Variants in TENM4 observed in about 807,000 individuals in gnomAD.
TENM4 encodes teneurin-4.
Under a neutral mutation model 243.3 loss-of-function variants are expected in TENM4, and 82 were observed. The ratio of observed to expected loss-of-function variants is 0.34; its 90% CI spans 0.28 to 0.40. The LOEUF (loss-of-function observed/expected upper bound fraction) is 0.40, where lower values mean the gene tolerates loss of function less well. TENM4 is among the 10% of genes least tolerant of loss of function. The pLI is 1.00. For synonymous variants in TENM4, 1,412 were observed against 1,456.3 expected (o/e 0.97, Z 0.69); for missense variants, 3,138 against 3,673.3 (o/e 0.85, Z 3.77).
intron 4 of TENM4, among the ~76,000 whole-genome samples, chr11:79,086,798 C>T (rs1007786790): frequency 4.9e-5 from 7 of 143,036 alleles, no homozygotes; most frequent in African/African-American, 1.9e-4. Flanking sequence ...CATTCCATTG[C>T]ACTCCAGCCT....
intron 6 of TENM4, among the ~76,000 whole-genome samples, chr11:79,049,894 T>C (rs964072385): frequency 6.6e-6 from 1 of 152,258 alleles, no homozygotes; most frequent in Non-Finnish European, 1.5e-5. Flanking sequence ...TGGAAGCTTT[T>C]GCCCGGCTTC....
chr11:79,177,679 G>C (rs1285223676), intron 3 of TENM4, among the ~76,000 whole-genome samples: 1 of 152,164 alleles, frequency 6.6e-6, no homozygotes, highest in Non-Finnish European at 1.5e-5. Context: ...CATTAGGTAG[G>C]AACCTGAAGG....
chr11:79,001,863 A>G (rs1858337751), intron 6 of TENM4, among the ~76,000 whole-genome samples: 1 of 152,144 alleles, frequency 6.6e-6, no homozygotes, highest in Admixed American at 6.5e-5. Flanking sequence ...ATGCCTGACC[A>G]TTGGAGAGCT....
chr11:79,048,846 G>A (rs187512016), intron 6 of TENM4, among the ~76,000 whole-genome samples: 1 of 152,230 alleles, frequency 6.6e-6, no homozygotes, highest in East Asian at 1.9e-4. Context: ...GTTACAGGAT[G>A]GGCAGGGGCC....
At chr11:79,000,960 G>A (rs1182994072) in intron 6 of TENM4, among the ~76,000 whole-genome samples, 2 of 152,250 alleles carry the variant, frequency 1.3e-5, no homozygotes, top group Non-Finnish European at 2.9e-5. Flanking sequence ...GAACCCAGGA[G>A]GTGGAGGTTG....
chr11:79,159,018 G>C (rs1203213671), intron 3 of TENM4, among the ~76,000 whole-genome samples: 1 of 152,166 alleles, frequency 6.6e-6, no homozygotes, highest in Non-Finnish European at 1.5e-5. Flanking sequence ...TTATAGAGAG[G>C]TTGAAGTGAG....
chr11:79,035,966 T>C (rs1025428824), intron 6 of TENM4, among the ~76,000 whole-genome samples: 8 of 152,238 alleles, frequency 5.3e-5, no homozygotes, highest in African/African-American at 1.9e-4. Flanking sequence ...TAAAAGATGA[T>C]CTTAGATCTA....
In TENM4 at chr11:78,670,199, T is replaced by A; in HGVS notation, c.6146A>T (p.Glu2049Val). 6.2e-7 allele frequency: 1 copy of A among 1,613,892 alleles called. No individual in the cohort carries two copies. The highest frequency in any genetic ancestry group is 8.5e-7 in the Non-Finnish European group (1 of 1,179,864). ...GMLKTINLQN[E>V]GFTCTIRYRQ... Reference sequence around the variant, plus strand: ...GTAGCGGATGGTGCAGGTGAAGCCCTCATTCTGTAGGTTGATGGTCTTCAG... The same window carrying A: ...GTAGCGGATGGTGCAGGTGAAGCCCACATTCTGTAGGTTGATGGTCTTCAG... Residue 2049 changes from glutamate (E) to valine (V), a missense_variant, in exon 32 of 34, where the codon GAG (glutamate) becomes GTG (valine). Transcript: ENST00000278550.
At chr11:79,060,006 T>C (rs1392731674) in intron 6 of TENM4, among the ~76,000 whole-genome samples, 1 of 152,202 alleles carries the variant, frequency 6.6e-6, no homozygotes, top group African/African-American at 2.4e-5. Flanking sequence ...AGAGTCCACA[T>C]CCTAGAATCA....
At chr11:79,279,134 A>C (rs946534119) in intron 2 of TENM4, among the ~76,000 whole-genome samples, 4 of 152,212 alleles carry the variant, frequency 2.6e-5, no homozygotes, top group Non-Finnish European at 5.9e-5. Flanking sequence ...CTGAAAGTTT[A>C]CCACATTAGG....
Position 79,236,106 on chromosome 11 carries a change from T to G in TENM4, c.-264-20197A>C, listed in dbSNP as rs114077965. Among the ~76,000 whole-genome samples the G allele has an allele frequency of 9.0e-3, 1,372 of 152,232 alleles. 19 individuals are homozygous for G. Among genetic ancestry groups the G allele is most frequent in the African/African-American group, 0.032 (1,320 of 41,524 alleles). ...GGTCCCTGGCCTATATGGTACTCAT[T>G]TGGGGAGTGAGAGGCCTCTGATGCT... is the stretch of plus-strand genomic sequence containing the variant. On this transcript the variant is annotated intron_variant, in intron 2 of 33. Coordinates refer to ENST00000278550, the MANE Select transcript of TENM4 (RefSeq NM_001098816.3).
chr11:79,326,348 C>T (rs1222001941), intron 1 of TENM4, among the ~76,000 whole-genome samples: 2 of 152,182 alleles, frequency 1.3e-5, no homozygotes, highest in Admixed American at 6.5e-5. Flanking sequence ...CTACATTGAA[C>T]CTTTGCTCAC....
At chr11:79,287,101 T>A (rs374803888) in intron 2 of TENM4, among the ~76,000 whole-genome samples, 2 of 152,218 alleles carry the variant, frequency 1.3e-5, no homozygotes. Context: ...ATGTGTATTA[T>A]CACATGCAAT....
chr11:78,850,015 A>G (rs1394250687), intron 12 of TENM4, among the ~76,000 whole-genome samples: 1 of 152,118 alleles, frequency 6.6e-6, no homozygotes, highest in Non-Finnish European at 1.5e-5. Flanking sequence ...TTGTTTCTGA[A>G]AAAAGCTTCC....
intron 2 of TENM4, among the ~76,000 whole-genome samples, chr11:79,225,934 G>A (rs1168364526): frequency 6.6e-6 from 1 of 152,124 alleles, no homozygotes; most frequent in African/African-American, 2.4e-5. Flanking sequence ...CCATGTACTG[G>A]TGAATGGACT....
intron 14 of TENM4, 101 bp from the exon 15 acceptor site, chr11:78,805,593 A>G: frequency 7.2e-7 from 1 of 1,387,588 alleles, no homozygotes; most frequent in Non-Finnish European, 9.9e-7. Context: ...GGCTTCATAC[A>G]TTCTGGCAGA....
intron 4 of TENM4, among the ~76,000 whole-genome samples, chr11:79,075,047 C>CT (rs1343747969): frequency 6.6e-6 from 1 of 152,240 alleles, no homozygotes; most frequent in Non-Finnish European, 1.5e-5. Flanking sequence ...AATGATACAG[C>CT]TTCACCCCTT....
chr11:79,416,548 A>G (rs1858817635), intron 1 of TENM4, among the ~76,000 whole-genome samples: 1 of 152,224 alleles, frequency 6.6e-6, no homozygotes, highest in South Asian at 2.1e-4. Context: ...TGGTAAAATT[A>G]ACATTACTGG....
chr11:78,922,011 T>C (rs527842635), intron 6 of TENM4, among the ~76,000 whole-genome samples: 1 of 152,308 alleles, frequency 6.6e-6, no homozygotes, highest in Non-Finnish European at 1.5e-5. Flanking sequence ...AGATGCAGTG[T>C]GGGAACTGCT....
Sources: allele counts gnomAD v4.1 joint callset (sites outside exome capture counted in the v4.1 genomes callset), GRCh38; gene constraint gnomAD v4.1.1; transcripts MANE v1.5; gene names NCBI Gene and HGNC (gene_info 2026-07-23, HGNC 2026-07-21).